The following SPOCK3 variants were observed in gnomAD, a reference collection of about 807,000 sequenced individuals.
SPOCK3 encodes the protein SPARC (osteonectin), cwcv and kazal like domains proteoglycan 3.
A neutral mutation model predicts 56.6 loss-of-function variants in SPOCK3; 30 were observed. The observed-to-expected ratio is 0.53, with a 90% CI of 0.40 to 0.72. The LOEUF is 0.72. Ranked by LOEUF, SPOCK3 falls within the 30% of genes least tolerant of loss-of-function variation. The probability of loss-of-function intolerance (pLI) is 0.00; values close to 1 mark genes in which losing one functional copy is unlikely to be tolerated. For missense variants in SPOCK3, 527 were observed against 530.0 expected (o/e 0.99, Z 0.06); for synonymous variants, 196 against 183.3 (o/e 1.07, Z -0.56).
At chr4:167,148,287 C>G (rs1372961885) in intron 2 of SPOCK3, among the ~76,000 whole-genome samples, 1 of 152,004 alleles carries the variant, frequency 6.6e-6, no homozygotes, top group Admixed American at 6.6e-5. Context: ...AAGAGGAGAG[C>G]CTCTACTTCA....
At chr4:166,865,944 T>C (rs774996107) in intron 6 of SPOCK3, among the ~76,000 whole-genome samples, 9 of 152,260 alleles carry the variant, frequency 5.9e-5, no homozygotes, top group Middle Eastern at 6.8e-3. Context: ...AAATTTCATA[T>C]GGAACTAAAG....
At chr4:166,897,770 G>T (rs1735545612) in intron 5 of SPOCK3, among the ~76,000 whole-genome samples, 1 of 152,170 alleles carries the variant, frequency 6.6e-6, no homozygotes, top group South Asian at 2.1e-4. Flanking sequence ...TGGCTGAGAA[G>T]TGGCTTTCTG....
chr4:166,851,097 C>T (rs1213167553), intron 6 of SPOCK3, among the ~76,000 whole-genome samples: 1 of 152,168 alleles, frequency 6.6e-6, no homozygotes, highest in Non-Finnish European at 1.5e-5. Flanking sequence ...AGCAGTGGTT[C>T]TCCCAGCACG....
intron 2 of SPOCK3, among the ~76,000 whole-genome samples, chr4:167,137,482 C>T (rs967103235): frequency 2.0e-5 from 3 of 150,782 alleles, no homozygotes; most frequent in Admixed American, 1.3e-4. Flanking sequence ...AATTGAAAAC[C>T]CTATTACTTT....
intron 8 of SPOCK3, among the ~76,000 whole-genome samples, chr4:166,746,986 T>A (rs1417029147): frequency 3.9e-5 from 6 of 152,128 alleles, no homozygotes; most frequent in African/African-American, 1.2e-4. Context: ...ATTGAGGCAA[T>A]AATTAAGAGC....
At chr4:166,999,630 G>C (rs564887274) in intron 4 of SPOCK3, among the ~76,000 whole-genome samples, 1 of 152,030 alleles carries the variant, frequency 6.6e-6, no homozygotes, top group Non-Finnish European at 1.5e-5. Flanking sequence ...AAATGATAAA[G>C]GAAACGAATA....
At chr4:167,003,213 T>C (rs558815737) in intron 3 of SPOCK3, among the ~76,000 whole-genome samples, 8 of 152,238 alleles carry the variant, frequency 5.3e-5, no homozygotes, top group Non-Finnish European at 1.0e-4. Context: ...ATTTAACACA[T>C]GAAAAATAAT....
intron 6 of SPOCK3, among the ~76,000 whole-genome samples, chr4:166,844,337 T>C (rs1747829448): frequency 6.6e-6 from 1 of 152,208 alleles, no homozygotes; most frequent in Admixed American, 6.5e-5. Context: ...ATGTAATACA[T>C]GTCTTAGCAC....
chr4:166,835,911 C>T (rs1418895912), intron 6 of SPOCK3, among the ~76,000 whole-genome samples: 1 of 152,084 alleles, frequency 6.6e-6, no homozygotes, highest in Non-Finnish European at 1.5e-5. Context: ...GAGGCTGAGG[C>T]AGGAGAATCG....
At chr4:166,885,317 T>C (rs1042345710) in intron 6 of SPOCK3, among the ~76,000 whole-genome samples, 4 of 151,560 alleles carry the variant, frequency 2.6e-5, no homozygotes, top group African/African-American at 9.7e-5. Flanking sequence ...AAAAATTGTC[T>C]CAGTAACATA....
rs191457870 is a variant in SPOCK3 at position 166,834,909 on chromosome 4, T to C, written c.590-42620A>G. ...TACTCTGATTTCTCAATAATAGTTA[T>C]ATAAACAAATCTTTATTTTTTGTTT... On this transcript the variant is annotated intron_variant, in intron 6 of 10. Coordinates refer to ENST00000357545, the MANE Select transcript of SPOCK3 (RefSeq NM_001040159.2). Among the ~76,000 whole-genome samples, 11 of 152,262 alleles carry C rather than the reference T, an allele frequency of 7.2e-5. No individual in the cohort carries two copies. The South Asian group carries it at 1.5e-3, about 20-fold the overall frequency.
chr4:167,068,491 T>C (rs1282953807), intron 2 of SPOCK3, among the ~76,000 whole-genome samples: 1 of 151,628 alleles, frequency 6.6e-6, no homozygotes, highest in African/African-American at 2.4e-5. Context: ...ATGCTACAAA[T>C]GAATATATTT....
chr4:166,935,246 A>G (rs1187201827), intron 4 of SPOCK3, among the ~76,000 whole-genome samples: 1 of 152,106 alleles, frequency 6.6e-6, no homozygotes, highest in Admixed American at 6.5e-5. Context: ...CCATCCAACA[A>G]CCATGAGTTT....
chr4:166,907,673 A>G (rs565264884), intron 5 of SPOCK3, among the ~76,000 whole-genome samples: 2 of 152,236 alleles, frequency 1.3e-5, no homozygotes, highest in Admixed American at 6.6e-5. Context: ...CCTCAAATAT[A>G]GAGGTTTACC....
At chr4:166,949,032 T>C (rs577369377) in intron 4 of SPOCK3, among the ~76,000 whole-genome samples, 5 of 152,280 alleles carry the variant, frequency 3.3e-5, no homozygotes, top group Non-Finnish European at 7.4e-5. Context: ...CTTGGAGGCT[T>C]TGTTCGTTTC....
intron 4 of SPOCK3, 69 bp downstream of exon 4, chr4:167,000,276 ATATT>A: frequency 1.5e-6 from 1 of 684,756 alleles, no homozygotes; most frequent in Non-Finnish European, 2.4e-6. Context: ...GCACTGCCAA[ATATT>A]TATACTCTGC....
chr4:167,088,008 G>A (rs1298965598), intron 2 of SPOCK3, among the ~76,000 whole-genome samples: 3 of 151,722 alleles, frequency 2.0e-5, no homozygotes, highest in Non-Finnish European at 2.9e-5. Flanking sequence ...CACTAAGAGA[G>A]TTTATGAGCT....
chr4:166,843,310 C>G (rs751472768), intron 6 of SPOCK3, among the ~76,000 whole-genome samples: 2 of 152,202 alleles, frequency 1.3e-5, no homozygotes, highest in African/African-American at 2.4e-5. Context: ...GCGCTGAGAG[C>G]GAGCGACGGC....
intron 3 of SPOCK3, among the ~76,000 whole-genome samples, chr4:167,009,804 A>C (rs192978498): frequency 5.8e-4 from 89 of 152,224 alleles, no homozygotes; most frequent in African/African-American, 2.1e-3. Context: ...GAAAGGGACA[A>C]AATATTAAGC....
Sources: gnomAD v4.1 joint callset for allele counts (sites outside exome capture counted in the v4.1 genomes callset) on GRCh38, gnomAD v4.1.1 for gene constraint, MANE v1.5 for transcripts, NCBI Gene and HGNC (gene_info 2026-07-23, HGNC 2026-07-21) for gene names.